Variants in DBT observed in about 807,000 individuals in gnomAD.
DBT encodes lipoamide acyltransferase component of branched-chain alpha-keto acid dehydrogenase complex, mitochondrial.
A neutral mutation model predicts 51.3 loss-of-function variants in DBT; 40 were observed. That is an observed-to-expected ratio of 0.78 (90% CI 0.61 to 1.02). DBT has a LOEUF of 1.02. DBT is among the 50% of genes least tolerant of loss of function. The probability of loss-of-function intolerance (pLI) is 0.00; values close to 1 mark genes in which losing one functional copy is unlikely to be tolerated. For missense variants in DBT, 510 were observed against 580.2 expected (o/e 0.88, Z 1.24); for synonymous variants, 181 against 190.4 (o/e 0.95, Z 0.41).
At chr1:100,243,979 G>A (rs1237581940) in intron 1 of DBT, among the ~76,000 whole-genome samples, 2 of 144,532 alleles carry the variant, frequency 1.4e-5, no homozygotes, top group Non-Finnish European at 3.0e-5. Context: ...ACGTGATAAA[G>A]GAGTTTAAGC....
chr1:100,213,853 G>A (rs1662316415), intron 7 of DBT, among the ~76,000 whole-genome samples: 1 of 151,976 alleles, frequency 6.6e-6, no homozygotes, highest in South Asian at 2.1e-4. Context: ...TCCTGCCCCA[G>A]GCTCATGACA....
chr1:100,225,826 C>CCAA (rs767985063), intron 4 of DBT, among the ~76,000 whole-genome samples: 2 of 86,934 alleles, frequency 2.3e-5, no homozygotes, highest in African/African-American at 4.7e-5. Flanking sequence ...CTCCATCTCA[C>CCAA]AAAAAAAAAA....
chr1:100,207,817 T>C (rs1661880569), intron 8 of DBT, among the ~76,000 whole-genome samples: 1 of 150,868 alleles, frequency 6.6e-6, no homozygotes, highest in Admixed American at 6.6e-5. Flanking sequence ...AGAGCAAAAC[T>C]CTGTGTCAAA....
At chr1:100,242,019 CA>C (rs890529742) in intron 1 of DBT, among the ~76,000 whole-genome samples, 88 of 140,492 alleles carry the variant, frequency 6.3e-4, no homozygotes, top group Middle Eastern at 3.7e-3. Context: ...GACTCCATCT[CA>C]AAAAAAAAAA....
At chr1:100,223,557 C>T (rs1166898529) in intron 4 of DBT, among the ~76,000 whole-genome samples, 1 of 152,138 alleles carries the variant, frequency 6.6e-6, no homozygotes, top group African/African-American at 2.4e-5. Flanking sequence ...GCCTCAAACT[C>T]CTGGGCTCAA....
chr1:100,200,813 G>A (rs1055745178), intron 10 of DBT, among the ~76,000 whole-genome samples: 7 of 152,180 alleles, frequency 4.6e-5, no homozygotes, highest in Non-Finnish European at 7.3e-5. Context: ...TGCAGAAGAG[G>A]GGCCTGACTG....
Position 100,192,964 on chromosome 1 carries a change from C to T in DBT, c.*3291G>A, listed in dbSNP as rs1441705032. The T allele has an allele frequency of 1.3e-5, 2 of 152,302 alleles. No homozygotes were observed. The highest frequency in any genetic ancestry group is 2.9e-5 in the Non-Finnish European group (2 of 68,124). The allele number at this position is 152,302 out of a possible 1,614,324, so 9.4% of individuals were successfully genotyped here. A position where few individuals can be genotyped will look rare whatever the true frequency, so the allele number is the denominator to read the frequency against. The stretch of plus-strand genomic sequence containing the variant: ...TACAGCAAGAGCCTTTTCCTCCTCC[C>T]AAACACCCATCCCTTGCTTTGTAGA... On this transcript the variant is annotated 3_prime_UTR_variant, in exon 11 of 11. Transcript: ENST00000370132.
chr1:100,218,210 T>C (rs976421717), intron 5 of DBT, among the ~76,000 whole-genome samples: 3 of 152,192 alleles, frequency 2.0e-5, no homozygotes, highest in Admixed American at 2.0e-4. Flanking sequence ...ACAGGCCAGA[T>C]GCTTGATACC....
Position 100,192,256 on chromosome 1 carries a change from C to A in DBT, c.*3999G>T, listed in dbSNP as rs1209986182. On this transcript the variant is annotated 3_prime_UTR_variant, in exon 11 of 11. Transcript: ENST00000370132. ...ACTGCTCTTCTCTAGGTTATTGGCA[C>A]AGACCCACTTCCAGTGATAGCTTTA... The A allele has an allele frequency of 6.6e-6, 1 of 152,252 alleles. No homozygotes were observed. Among genetic ancestry groups the A allele is most frequent in the Admixed American group, 6.5e-5 (1 of 15,290 alleles). The allele number at this position is 152,252 out of a possible 1,614,324, so 9.4% of individuals were successfully genotyped here.
chr1:100,214,707 T>C, intron 7 of DBT, 110 bp downstream of exon 7: 2 of 1,081,958 alleles, frequency 1.8e-6, no homozygotes, highest in South Asian at 1.3e-5. Flanking sequence ...TGAGCCGAGA[T>C]TGTGCCATTG....
At chr1:100,200,969 G>T (rs892553224) in intron 10 of DBT, among the ~76,000 whole-genome samples, 3 of 152,120 alleles carry the variant, frequency 2.0e-5, no homozygotes, top group African/African-American at 7.2e-5. Flanking sequence ...GCATAAAAAG[G>T]CTGAAAATGC....
At chr1:100,214,745 ACT>A (rs796398588) in intron 7 of DBT, 70 bp downstream of exon 7, 18 of 1,520,388 alleles carry the variant, frequency 1.2e-5, no homozygotes, top group East Asian at 4.5e-5. Flanking sequence ...CAAGAGCAAA[ACT>A]CTGTCTCAAA....
rs898219254 is a variant in DBT at position 100,190,152 on chromosome 1, T to C, written c.*6103A>G. 6.6e-6 allele frequency: 1 copy of C among 152,228 alleles called. No individual in the cohort carries two copies. Among genetic ancestry groups the C allele is most frequent in the Non-Finnish European group, 1.5e-5 (1 of 68,042 alleles). The allele number at this position is 152,228 out of a possible 1,614,324, so 9.4% of individuals were successfully genotyped here. A position where few individuals can be genotyped will look rare whatever the true frequency, so the allele number is the denominator to read the frequency against. On this transcript the variant is annotated 3_prime_UTR_variant, in exon 11 of 11. Coordinates refer to ENST00000370132, the MANE Select transcript of DBT (RefSeq NM_001918.5). ...GTCTTAAAACAATAAAAGTGTATTA[T>C]TCAACTATCACATCCAAACCAATTG...
chr1:100,240,421 T>C (rs1664140946), intron 2 of DBT, among the ~76,000 whole-genome samples: 1 of 152,068 alleles, frequency 6.6e-6, no homozygotes, highest in Non-Finnish European at 1.5e-5. Flanking sequence ...CCCAGCTCTT[T>C]GAGAAGCTGA....
In DBT at chr1:100,212,243, C is replaced by T. The variant is rs540312321; in HGVS notation, c.940-1472G>A. On this transcript the variant is annotated intron_variant, in intron 7 of 10. Transcript: ENST00000370132. ...TCAATGGATTAGGTCATTTGTTCCC[C>T]CTCTACAATACTGTGTAGTATTTTT... Among the ~76,000 whole-genome samples the T allele has an allele frequency of 6.7e-4, 102 of 152,246 alleles. 1 individual carries two copies. In the South Asian group the frequency reaches 7.9e-3, roughly 12 times the overall value.
At chr1:100,197,063 C>T (rs1661160225) in intron 10 of DBT, 1 of 194,418 alleles carries the variant, frequency 5.1e-6, no homozygotes, top group South Asian at 1.1e-4. Flanking sequence ...AAAATGAACC[C>T]AGCTAATTCT....
rs1034241013 is a variant in DBT, at chr1:100,193,192, A to G, written c.*3063T>C. ...CTTAAGGGTTATTTGGGAATAGAGT[A>G]TCTTGAGCCATTGATGCTGGACCTA... On this transcript the variant is annotated 3_prime_UTR_variant, in exon 11 of 11. Coordinates refer to ENST00000370132, the MANE Select transcript of DBT (RefSeq NM_001918.5). The G allele has an allele frequency of 6.6e-6, 1 of 152,256 alleles. No individual in the cohort carries two copies. The highest frequency in any genetic ancestry group is 2.4e-5 in the African/African-American group (1 of 41,472). The allele number at this position is 152,256 out of a possible 1,614,324, so 9.4% of individuals were successfully genotyped here.
chr1:100,228,236 A>G (rs1462232898), intron 4 of DBT, among the ~76,000 whole-genome samples: 4 of 152,212 alleles, frequency 2.6e-5, no homozygotes, highest in African/African-American at 9.7e-5. Flanking sequence ...ATGCAACAAG[A>G]CAAATCCAAA....
intron 3 of DBT, among the ~76,000 whole-genome samples, chr1:100,234,802 A>C (rs1260072783): frequency 6.6e-6 from 1 of 152,208 alleles, no homozygotes; most frequent in Non-Finnish European, 1.5e-5. Context: ...AAGCAATAAT[A>C]ATAAGTACAA....
Sources: gnomAD v4.1 joint callset for allele counts (sites outside exome capture counted in the v4.1 genomes callset) on GRCh38, gnomAD v4.1.1 for gene constraint, MANE v1.5 for transcripts, NCBI Gene and HGNC (gene_info 2026-07-23, HGNC 2026-07-21) for gene names.